EPM2A: variants seen among roughly 807,000 people sequenced by gnomAD.
EPM2A encodes laforin.
EPM2A carries 21 observed loss-of-function variants against 26.5 expected under a neutral mutation model. The observed-to-expected ratio is 0.79, with a 90% confidence interval of 0.56 to 1.14. The LOEUF is 1.14. EPM2A is among the 50% of genes most tolerant of loss of function. The pLI is 0.00. For missense variants in EPM2A, 458 were observed against 440.8 expected (o/e 1.04, Z -0.35); for synonymous variants, 217 against 177.6 (o/e 1.22, Z -1.76).
chr6:145,447,796 C>T (rs1248240308), intron 4 of EPM2A, among the ~76,000 whole-genome samples: 1 of 151,800 alleles, frequency 6.6e-6, no homozygotes, highest in Non-Finnish European at 1.5e-5. Flanking sequence ...TCTTGATTGA[C>T]AAAAAATACT....
At chr6:145,561,946 G>A (rs1388865207) in intron 2 of EPM2A, among the ~76,000 whole-genome samples, 1 of 152,016 alleles carries the variant, frequency 6.6e-6, no homozygotes, top group Non-Finnish European at 1.5e-5. Flanking sequence ...AATACCTAAT[G>A]CATGTGGGGC....
intron 2 of EPM2A, among the ~76,000 whole-genome samples, chr6:145,516,983 G>C (rs1780136701): frequency 6.6e-6 from 1 of 152,118 alleles, no homozygotes; most frequent in Non-Finnish European, 1.5e-5. Context: ...AGGCAGATGT[G>C]ATATACACAT....
chr6:145,490,982 T>C (rs1033378092), intron 4 of EPM2A: 61 of 908,190 alleles, frequency 6.7e-5, no homozygotes, highest in Admixed American at 1.8e-5. Context: ...AATGTTTTGA[T>C]GCCTTCATCT....
At chr6:145,403,018 AC>A (rs1778514413) in intron 4 of EPM2A, among the ~76,000 whole-genome samples, 1 of 152,112 alleles carries the variant, frequency 6.6e-6, no homozygotes. Flanking sequence ...CTTTCCTCAA[AC>A]CTGATACTAT....
intron 2 of EPM2A, among the ~76,000 whole-genome samples, chr6:145,660,574 G>A (rs1208407630): frequency 6.6e-6 from 1 of 152,180 alleles, no homozygotes; most frequent in Middle Eastern, 3.2e-3. Context: ...GGCAGAGGCA[G>A]GCGGATCACC....
At chr6:145,396,898 G>T (rs1778412579) in intron 4 of EPM2A, among the ~76,000 whole-genome samples, 1 of 152,132 alleles carries the variant, frequency 6.6e-6, no homozygotes, top group Non-Finnish European at 1.5e-5. Flanking sequence ...TCACAGATAG[G>T]GGAGCTCATT....
intron 4 of EPM2A, among the ~76,000 whole-genome samples, chr6:145,387,283 C>T (rs1489668029): frequency 2.0e-5 from 3 of 152,128 alleles, no homozygotes; most frequent in African/African-American, 7.2e-5. Context: ...ACACCTTCTA[C>T]ATCTCAAACA....
At chr6:145,511,968 C>T (rs1365041795) in intron 2 of EPM2A, among the ~76,000 whole-genome samples, 1 of 152,178 alleles carries the variant, frequency 6.6e-6, no homozygotes, top group African/African-American at 2.4e-5. Context: ...CTGCCACTAA[C>T]ATTCAAGGCA....
intron 1 of EPM2A, among the ~76,000 whole-genome samples, chr6:145,706,392 C>G (rs1487202762): frequency 6.6e-6 from 1 of 152,212 alleles, no homozygotes; most frequent in Non-Finnish European, 1.5e-5. Context: ...AGTGCACTAA[C>G]CACATATATA....
chr6:145,660,412 T>C (rs1261628440), intron 2 of EPM2A, among the ~76,000 whole-genome samples: 1 of 152,224 alleles, frequency 6.6e-6, no homozygotes, highest in Non-Finnish European at 1.5e-5. Context: ...ATTTTATTTG[T>C]CTCTACCATG....
intron 2 of EPM2A, among the ~76,000 whole-genome samples, chr6:145,672,917 A>G (rs951575117): frequency 2.6e-5 from 4 of 152,290 alleles, no homozygotes; most frequent in East Asian, 3.9e-4. Flanking sequence ...GGGCAGTCAG[A>G]TCATGTAGTC....
At chr6:145,706,831 G>GT (rs762038748) in intron 1 of EPM2A, among the ~76,000 whole-genome samples, 12 of 152,108 alleles carry the variant, frequency 7.9e-5, no homozygotes, top group Non-Finnish European at 1.6e-4. Context: ...ACTTGCTATA[G>GT]TTTAAGTGTT....
intron 2 of EPM2A, among the ~76,000 whole-genome samples, chr6:145,618,985 G>A (rs1775573645): frequency 6.6e-6 from 1 of 152,140 alleles, no homozygotes; most frequent in Admixed American, 6.5e-5. Context: ...GGACAGAGGG[G>A]AGTAGTTATA....
At chr6:145,686,325 C>T (rs1401047518) in intron 1 of EPM2A, 29 bp from the exon 2 acceptor site, 4 of 1,579,676 alleles carry the variant, frequency 2.5e-6, no homozygotes, top group Non-Finnish European at 3.5e-6. Flanking sequence ...ATAAACAGAG[C>T]AATTAAATCA....
intron 4 of EPM2A, among the ~76,000 whole-genome samples, chr6:145,433,582 A>G (rs1364524558): frequency 6.6e-6 from 1 of 152,080 alleles, no homozygotes; most frequent in Non-Finnish European, 1.5e-5. Context: ...ATGGACCTTT[A>G]TACATTCTTT....
intron 2 of EPM2A, among the ~76,000 whole-genome samples, chr6:145,553,484 T>C (rs991012723): frequency 1.3e-5 from 2 of 152,042 alleles, no homozygotes; most frequent in African/African-American, 4.8e-5. Flanking sequence ...GGAAGGACAT[T>C]TGTGCTGTCT....
chr6:145,697,479 G>A (rs1252205872), intron 1 of EPM2A, among the ~76,000 whole-genome samples: 1 of 152,144 alleles, frequency 6.6e-6, no homozygotes, highest in Non-Finnish European at 1.5e-5. Context: ...GACAGGGTTT[G>A]AGAGCAGACA....
At chr6:145,614,350 A>C (rs1775460660) in intron 2 of EPM2A, among the ~76,000 whole-genome samples, 1 of 152,264 alleles carries the variant, frequency 6.6e-6, no homozygotes, top group Non-Finnish European at 1.5e-5. Flanking sequence ...AACTTTCTCC[A>C]TATCAGTAAT....
Position 145,444,154 on chromosome 6 carries a change from G to A in EPM2A, c.555+58368C>T, listed in dbSNP as rs1301959716. On this transcript the variant is annotated intron_variant, in intron 4 of 4. Transcript: ENST00000638717. ...GGCCAGGACTTCCAATATTATGCAT[G>A]AGTGGACATCTTTGACTTGTTCTGA... Among the ~76,000 whole-genome samples the A allele has an allele frequency of 2.6e-5, 4 of 152,172 alleles. No homozygotes were observed. In the East Asian group the frequency reaches 7.7e-4, roughly 29 times the overall value.
Sources: gnomAD v4.1 joint callset for allele counts (sites outside exome capture counted in the v4.1 genomes callset) on GRCh38, gnomAD v4.1.1 for gene constraint, MANE v1.5 for transcripts, NCBI Gene and HGNC (gene_info 2026-07-23, HGNC 2026-07-21) for gene names.